The following SOX6 variants were observed in gnomAD, a reference collection of about 807,000 sequenced individuals.
SOX6 encodes SRY-box transcription factor 6.
In SOX6, 11 loss-of-function variants were observed where a neutral mutation model predicts 97.8. The ratio of observed to expected loss-of-function variants is 0.11; its 90% CI spans 0.07 to 0.19. SOX6 has a LOEUF of 0.19. Among genes scored for constraint, SOX6 ranks in the 10% least tolerant of loss-of-function variants. The pLI is 1.00. For synonymous variants in SOX6, 360 were observed against 371.4 expected (o/e 0.97, Z 0.35); for missense variants, 810 against 1,039.5 (o/e 0.78, Z 3.04).
At chr11:16,689,143 C>T (rs564546553) in intron 3 of SOX6, among the ~76,000 whole-genome samples, 5 of 152,114 alleles carry the variant, frequency 3.3e-5, no homozygotes, top group Non-Finnish European at 7.4e-5. Context: ...CTATTCTTTC[C>T]CTGGACGAGA....
chr11:16,684,724 G>A (rs1280853312), intron 3 of SOX6, among the ~76,000 whole-genome samples: 2 of 151,292 alleles, frequency 1.3e-5, no homozygotes, highest in Non-Finnish European at 2.9e-5. Context: ...AGAACTTAAA[G>A]TATAATTTAA....
At chr11:16,189,116 T>C (rs1851561985) in intron 4 of SOX6, among the ~76,000 whole-genome samples, 1 of 152,126 alleles carries the variant, frequency 6.6e-6, no homozygotes, top group Non-Finnish European at 1.5e-5. Flanking sequence ...TAATCAAACA[T>C]GTAAATGTAA....
chr11:16,203,561 C>T (rs74702229), intron 4 of SOX6, among the ~76,000 whole-genome samples: 1,567 of 152,178 alleles, frequency 0.01, 26 homozygotes, highest in African/African-American at 0.035. Context: ...CAAACATAAA[C>T]GCTTAAATCC....
intron 4 of SOX6, among the ~76,000 whole-genome samples, chr11:16,609,129 G>A (rs887328865): frequency 1.6e-4 from 25 of 152,078 alleles, no homozygotes; most frequent in Non-Finnish European, 2.9e-4. Context: ...ACCAGGACAG[G>A]GAATAATCAT....
chr11:16,319,936 G>A (rs1320991057), intron 2 of SOX6, among the ~76,000 whole-genome samples: 1 of 151,684 alleles, frequency 6.6e-6, no homozygotes. Flanking sequence ...AGAAATATTT[G>A]TGCAGGAATT....
At chr11:16,561,318 C>T (rs570837487) in intron 4 of SOX6, among the ~76,000 whole-genome samples, 1 of 152,072 alleles carries the variant, frequency 6.6e-6, no homozygotes, top group African/African-American at 2.4e-5. Flanking sequence ...TGAACTGCTC[C>T]TGTGAATGAC....
chr11:16,024,929 T>C (rs193047046), intron 12 of SOX6, among the ~76,000 whole-genome samples: 12 of 152,212 alleles, frequency 7.9e-5, no homozygotes, highest in African/African-American at 2.9e-4. Flanking sequence ...AAGGACAGCA[T>C]CCTAGACATC....
intron 1 of SOX6, among the ~76,000 whole-genome samples, chr11:16,343,063 A>AACATATACAC (rs1856681233): frequency 6.6e-6 from 1 of 151,808 alleles, no homozygotes; most frequent in African/African-American, 2.4e-5. Context: ...CAAATGGACA[A>AACATATACAC]ACATATACAC....
intron 3 of SOX6, among the ~76,000 whole-genome samples, chr11:16,687,024 C>T (rs958108854): frequency 3.3e-5 from 5 of 152,040 alleles, no homozygotes; most frequent in Non-Finnish European, 7.4e-5. Context: ...ACTTGGGAGG[C>T]TGAGGCACAA....
intron 13 of SOX6, among the ~76,000 whole-genome samples, chr11:16,014,371 C>T (rs557972538): frequency 6.6e-6 from 1 of 152,160 alleles, no homozygotes; most frequent in African/African-American, 2.4e-5. Flanking sequence ...GCTGGGCCTT[C>T]CCCAAACAAT....
At chr11:16,726,276 G>C (rs1225864591) in intron 2 of SOX6, among the ~76,000 whole-genome samples, 1 of 152,186 alleles carries the variant, frequency 6.6e-6, no homozygotes, top group Non-Finnish European at 1.5e-5. Context: ...GGGTGTGGTG[G>C]TGCACGCCTG....
chr11:16,107,575 C>T (rs1849127618), intron 7 of SOX6, among the ~76,000 whole-genome samples: 1 of 151,076 alleles, frequency 6.6e-6, no homozygotes, highest in Non-Finnish European at 1.5e-5. Context: ...ATATGAAGTA[C>T]CTACAATAAG....
intron 1 of SOX6, among the ~76,000 whole-genome samples, chr11:16,464,992 C>A (rs187540289): frequency 1.3e-5 from 2 of 152,326 alleles, no homozygotes; most frequent in East Asian, 1.9e-4. Context: ...CTACAAAAAT[C>A]TCTTATTTCA....
chr11:16,051,864 C>T (rs1317881583), intron 10 of SOX6, among the ~76,000 whole-genome samples: 2 of 150,280 alleles, frequency 1.3e-5, no homozygotes, highest in Non-Finnish European at 2.9e-5. Context: ...TTCGATGTTG[C>T]CCCACAGTAC....
At chr11:16,626,262 A>AT (rs1266051708) in intron 3 of SOX6, among the ~76,000 whole-genome samples, 2 of 152,102 alleles carry the variant, frequency 1.3e-5, no homozygotes, top group South Asian at 2.1e-4. Flanking sequence ...GGCGAAGCTC[A>AT]TTTTTTTTCC....
At chr11:16,342,664 T>C (rs1333881175) in intron 1 of SOX6, among the ~76,000 whole-genome samples, 1 of 151,952 alleles carries the variant, frequency 6.6e-6, no homozygotes, top group Admixed American at 6.6e-5. Context: ...ATTTAAACAG[T>C]AGTTTTTATG....
intron 14 of SOX6, among the ~76,000 whole-genome samples, chr11:15,986,852 C>G (rs546285826): frequency 1.3e-5 from 2 of 152,306 alleles, no homozygotes; most frequent in Admixed American, 1.3e-4. Flanking sequence ...TTTAGTGAAA[C>G]TATCCTTTGA....
chr11:16,326,346 A>G (rs568764097), intron 2 of SOX6, among the ~76,000 whole-genome samples: 43 of 152,222 alleles, frequency 2.8e-4, no homozygotes, highest in Admixed American at 2.8e-3. Flanking sequence ...TATGTCACCA[A>G]CAACTAGATA....
intron 4 of SOX6, among the ~76,000 whole-genome samples, chr11:16,586,538 C>T (rs1380740686): frequency 1.3e-5 from 2 of 152,108 alleles, no homozygotes; most frequent in Non-Finnish European, 2.9e-5. Flanking sequence ...GTGAGATCCC[C>T]TGTCTCTAAA....
Sources: gnomAD v4.1 joint callset for allele counts (sites outside exome capture counted in the v4.1 genomes callset) on GRCh38, gnomAD v4.1.1 for gene constraint, MANE v1.5 for transcripts, NCBI Gene and HGNC (gene_info 2026-07-23, HGNC 2026-07-21) for gene names.